LCE1F: variants seen among roughly 807,000 people sequenced by gnomAD.
LCE1F encodes late cornified envelope 1F.
For synonymous variants in LCE1F, 67 were observed against 59.9 expected (o/e 1.12, Z -0.55); for missense variants, 154 against 153.5 (o/e 1.00, Z -0.02).
Position 152,776,758 on chromosome 1 carries a change from T to C in LCE1F, c.*30T>C. 6.6e-7 allele frequency: 1 copy of C among 1,519,718 alleles called. No homozygotes were observed. Among genetic ancestry groups the C allele is most frequent in the Non-Finnish European group, 8.8e-7 (1 of 1,136,112 alleles). 94.1% of individuals were successfully genotyped at this position (1,519,718 alleles called of 1,614,324 possible). ...GACCCTGTGCCTAAAAGAGCAGATT[T>C]AGAGGCATGAAAGGGGCAACTTCAT... On this transcript the variant is annotated 3_prime_UTR_variant, in exon 2 of 2. Transcript: ENST00000334371.
intron 1 of LCE1F, among the ~76,000 whole-genome samples, chr1:152,775,843 T>TTTATTTA (rs1330265544): frequency 1.3e-5 from 2 of 151,334 alleles, no homozygotes; most frequent in African/African-American, 4.9e-5. Flanking sequence ...CTTCAGTTTC[T>TTTATTTA]TTATTTATAT....
intron 1 of LCE1F, among the ~76,000 whole-genome samples, chr1:152,775,908 C>T (rs1286630146): frequency 6.6e-6 from 1 of 152,194 alleles, no homozygotes; most frequent in Non-Finnish European, 1.5e-5. Flanking sequence ...ATAGTTTTCT[C>T]TATTTCTGCA....
chr1:152,776,605 C>A lies in LCE1F; in HGVS notation c.234C>A (p.Ser78Arg), dbSNP rs1383195684. The A allele has an allele frequency of 6.2e-6, 10 of 1,608,754 alleles. No homozygotes were observed. In the Admixed American group the frequency reaches 8.4e-5, roughly 13 times the overall value. The change falls in exon 2 of 2, where the codon AGC becomes AGA. Residue 78 changes from serine to arginine, a missense_variant. Physicochemically the swap from Ser to Arg is moderately radical, Grantham distance 110. Coordinates refer to ENST00000334371, the MANE Select transcript of LCE1F (RefSeq NM_178354.3). ...CSSGGGGCCLSHHRRRRSHRH... is the reference protein window; with the variant it reads ...CSSGGGGCCLRHHRRRRSHRH... ...CTGGGGGAGGCGGCTGTTGCCTGAGCCACCACAGACGGCGTAGGTCCCACC... is the reference window on the plus strand; with the variant it reads ...CTGGGGGAGGCGGCTGTTGCCTGAGACACCACAGACGGCGTAGGTCCCACC...
At position 152,776,775 on chromosome 1, in the gene LCE1F, C is replaced by G. The variant is rs1651621954; in HGVS notation, c.*47C>G. On this transcript the variant is annotated 3_prime_UTR_variant, in exon 2 of 2. Coordinates refer to ENST00000334371, the MANE Select transcript of LCE1F (RefSeq NM_178354.3). Reference sequence around the variant, plus strand: ...AGCAGATTTAGAGGCATGAAAGGGGCAACTTCATCTTCCTTGGGACTGACT... The same window carrying G: ...AGCAGATTTAGAGGCATGAAAGGGGGAACTTCATCTTCCTTGGGACTGACT... The G allele has an allele frequency of 6.6e-7, 1 of 1,505,804 alleles. No homozygotes were observed. 93.3% of individuals were successfully genotyped at this position (1,505,804 alleles called of 1,614,324 possible). A position where few individuals can be genotyped will look rare whatever the true frequency, so the allele number is the denominator to read the frequency against.
Position 152,776,507 on chromosome 1 carries a change from G to A in LCE1F, c.136G>A (p.Val46Ile), listed in dbSNP as rs553837591. The change falls in exon 2 of 2, where the codon GTC becomes ATC. Residue 46 changes from valine to isoleucine, a missense_variant. Physicochemically the swap from Val to Ile is conservative, Grantham distance 29. Transcript: ENST00000334371. ...KCPPVSSCCSVSSGGCCGSSS... is the reference protein window; with the variant it reads ...KCPPVSSCCSISSGGCCGSSS... ...CCCTCCTGTCTCTTCCTGCTGCAGCGTCAGCTCCGGAGGCTGCTGTGGCTC... is the reference window on the plus strand; with the variant it reads ...CCCTCCTGTCTCTTCCTGCTGCAGCATCAGCTCCGGAGGCTGCTGTGGCTC... 5.2e-5 allele frequency: 83 copies of A among 1,588,712 alleles called. No homozygotes were observed. Among genetic ancestry groups the A allele is most frequent in the East Asian group, 2.3e-4 (10 of 43,940 alleles).
At position 152,776,833 on chromosome 1, in the gene LCE1F, A is replaced by G. The variant is rs553728204; in HGVS notation, c.*105A>G. The G allele has an allele frequency of 3.6e-5, 48 of 1,336,982 alleles. No homozygotes were observed. The East Asian group carries it at 7.2e-4, about 20-fold the overall frequency. 82.8% of individuals were successfully genotyped at this position (1,336,982 alleles called of 1,614,324 possible). Reference sequence around the variant, plus strand: ...TGGGACATTTTAGTAAAGATTTCAAACTCTGTCCTGGAAGATTCCTCCGAC... The same window carrying G: ...TGGGACATTTTAGTAAAGATTTCAAGCTCTGTCCTGGAAGATTCCTCCGAC... On this transcript the variant is annotated 3_prime_UTR_variant, in exon 2 of 2. Transcript: ENST00000334371.
chr1:152,775,993 G>C (rs1651581573), intron 1 of LCE1F, among the ~76,000 whole-genome samples: 1 of 151,710 alleles, frequency 6.6e-6, no homozygotes, highest in Non-Finnish European at 1.5e-5. Flanking sequence ...CTCTAAACTG[G>C]TCTCAACATT....
chr1:152,776,501 T>C lies in LCE1F; in HGVS notation c.130T>C (p.Cys44Arg). 1.2e-6 allele frequency: 2 copies of C among 1,612,388 alleles called. No homozygotes were observed. Among genetic ancestry groups the C allele is most frequent in the South Asian group, 1.1e-5 (1 of 90,928 alleles). ...PPKCPPVSSC[C>R]SVSSGGCCGS... ...TAAGTGCCCTCCTGTCTCTTCCTGCTGCAGCGTCAGCTCCGGAGGCTGCTG... is the reference window on the plus strand; with the variant it reads ...TAAGTGCCCTCCTGTCTCTTCCTGCCGCAGCGTCAGCTCCGGAGGCTGCTG... The change falls in exon 2 of 2, where the codon TGC (cysteine) becomes CGC (arginine). Residue 44 changes from cysteine to arginine, a missense_variant. By Grantham distance (180) the Cys-to-Arg change is radical. Coordinates refer to ENST00000334371, the MANE Select transcript of LCE1F (RefSeq NM_178354.3).
In LCE1F at chr1:152,776,408, C is replaced by G; in HGVS notation, c.37C>G (p.Pro13Ala). The G allele has an allele frequency of 6.2e-7, 1 of 1,614,020 alleles. No homozygotes were observed. Among genetic ancestry groups the G allele is most frequent in the Non-Finnish European group, 8.5e-7 (1 of 1,180,014 alleles). Residue 13 changes from proline to alanine, a missense_variant, in exon 2 of 2, where the codon CCT (proline) becomes GCT (alanine). Physicochemically the swap from Pro to Ala is conservative, Grantham distance 27 (BLOSUM62 -1). Transcript: ENST00000334371. Reference protein sequence around the residue: ...CQQSQQQCQPPPKCTPKCPPK... With the variant: ...CQQSQQQCQPAPKCTPKCPPK... ...GCAGAGCCAGCAGCAGTGCCAGCCCCCTCCCAAGTGCACTCCCAAGTGCCC... is the reference window on the plus strand; with the variant it reads ...GCAGAGCCAGCAGCAGTGCCAGCCCGCTCCCAAGTGCACTCCCAAGTGCCC...
chr1:152,775,945 A>C (rs1389283850), intron 1 of LCE1F, among the ~76,000 whole-genome samples: 8 of 152,200 alleles, frequency 5.3e-5, no homozygotes, highest in African/African-American at 1.9e-4. Flanking sequence ...TTCTTCCAAT[A>C]GAAATTTATT....
rs758076151 is a variant in LCE1F at position 152,776,631 on chromosome 1, G to T, written c.260G>T (p.Arg87Leu). 1 of 1,612,128 alleles carries T rather than the reference G, an allele frequency of 6.2e-7. No homozygotes were observed. Among genetic ancestry groups the T allele is most frequent in the Non-Finnish European group, 8.5e-7 (1 of 1,179,540 alleles). Residue 87 changes from arginine (R) to leucine (L), a missense_variant, in exon 2 of 2, where the codon CGC becomes CTC. Physicochemically the swap from Arg to Leu is moderately radical, Grantham distance 102 (BLOSUM62 -2). Transcript: ENST00000334371. ...LSHHRRRRSH[R>L]HRPQSSDCCS... ...CACCACAGACGGCGTAGGTCCCACC[G>T]CCACAGACCCCAGAGCTCTGACTGC...
chr1:152,775,698 T>C (rs751940367), intron 1 of LCE1F, among the ~76,000 whole-genome samples: 1 of 152,118 alleles, frequency 6.6e-6, no homozygotes, highest in Non-Finnish European at 1.5e-5. Context: ...TTAAAAGCCA[T>C]GTGACAGTGC....
At chr1:152,775,499 G>A (rs1651552907) in intron 1 of LCE1F, among the ~76,000 whole-genome samples, 1 of 152,202 alleles carries the variant, frequency 6.6e-6, no homozygotes, top group Non-Finnish European at 1.5e-5. Context: ...TAAACACATT[G>A]GCCACTGGAT....
chr1:152,776,756 T>C lies in LCE1F; in HGVS notation c.*28T>C, dbSNP rs749639621. 2 of 1,519,760 alleles carry C rather than the reference T, an allele frequency of 1.3e-6. No homozygotes were observed. The highest frequency in any genetic ancestry group is 2.2e-5 in the Admixed American group (1 of 44,618). 94.1% of individuals were successfully genotyped at this position (1,519,760 alleles called of 1,614,324 possible). On this transcript the variant is annotated 3_prime_UTR_variant, in exon 2 of 2. Coordinates refer to ENST00000334371, the MANE Select transcript of LCE1F (RefSeq NM_178354.3). ...TGGACCCTGTGCCTAAAAGAGCAGA[T>C]TTAGAGGCATGAAAGGGGCAACTTC...
rs766030301 is a variant in LCE1F, at chr1:152,776,353, C to A, written c.-19C>A. The A allele has an allele frequency of 6.2e-7, 1 of 1,610,992 alleles. No homozygotes were observed. The highest frequency in any genetic ancestry group is 8.5e-7 in the Non-Finnish European group (1 of 1,178,562). The stretch of plus-strand genomic sequence containing the variant: ...TTGCTGTCTGACCCTCCTTCAGCTC[C>A]TGAACACCCGCCACCGAGATGTCTT... On this transcript the variant is annotated 5_prime_UTR_variant, in exon 2 of 2. It adds an upstream start codon to the 5' untranslated region. Transcript: ENST00000334371.
intron 1 of LCE1F, among the ~76,000 whole-genome samples, 183 bp downstream of exon 1, chr1:152,775,373 G>A (rs986091275): frequency 6.6e-6 from 1 of 152,128 alleles, no homozygotes; most frequent in Non-Finnish European, 1.5e-5. Context: ...GTAGAGGGGT[G>A]GGGTGGAGTG....
chr1:152,776,956 C>T lies in LCE1F; in HGVS notation c.*228C>T, dbSNP rs1459610819. Among the ~76,000 whole-genome samples, 2 of 152,198 alleles carry T rather than the reference C, an allele frequency of 1.3e-5. No individual in the cohort carries two copies. Among genetic ancestry groups the T allele is most frequent in the Admixed American group, 1.3e-4 (2 of 15,284 alleles). ...GGGAATACCAAATAGAAGTCCTTGC[C>T]TCATTCCCCTGATTTCCTTGGCAAT... On this transcript the variant is annotated 3_prime_UTR_variant, in exon 2 of 2. Transcript: ENST00000334371.
At position 152,776,786 on chromosome 1, in the gene LCE1F, T is replaced by C; in HGVS notation, c.*58T>C. ...AGGCATGAAAGGGGCAACTTCATCT[T>C]CCTTGGGACTGACTGTGTTGCTGGG... On this transcript the variant is annotated 3_prime_UTR_variant, in exon 2 of 2. Coordinates refer to ENST00000334371, the MANE Select transcript of LCE1F (RefSeq NM_178354.3). The C allele has an allele frequency of 6.7e-7, 1 of 1,489,034 alleles. No individual in the cohort carries two copies. Among genetic ancestry groups the C allele is most frequent in the Non-Finnish European group, 9.0e-7 (1 of 1,111,204 alleles). 92.2% of individuals were successfully genotyped at this position (1,489,034 alleles called of 1,614,324 possible). A position where few individuals can be genotyped will look rare whatever the true frequency, so the allele number is the denominator to read the frequency against.
chr1:152,776,630 C>A lies in LCE1F; in HGVS notation c.259C>A (p.Arg87Ser). Reference sequence around the variant, plus strand: ...CCACCACAGACGGCGTAGGTCCCACCGCCACAGACCCCAGAGCTCTGACTG... The same window carrying A: ...CCACCACAGACGGCGTAGGTCCCACAGCCACAGACCCCAGAGCTCTGACTG... ...LSHHRRRRSH[R>S]HRPQSSDCCS... The change falls in exon 2 of 2, where the codon CGC becomes AGC. Residue 87 changes from arginine (R) to serine (S), a missense_variant. Physicochemically the swap from Arg to Ser is moderately radical, Grantham distance 110. Transcript: ENST00000334371. 1 of 1,612,188 alleles carries A rather than the reference C, an allele frequency of 6.2e-7. No individual in the cohort carries two copies. The highest frequency in any genetic ancestry group is 2.2e-5 in the East Asian group (1 of 44,878).
Sources: allele counts gnomAD v4.1 joint callset (sites outside exome capture counted in the v4.1 genomes callset), GRCh38; gene constraint gnomAD v4.1.1; transcripts MANE v1.5; gene names NCBI Gene and HGNC (gene_info 2026-07-23, HGNC 2026-07-21).